KANSL3: variants seen among roughly 807,000 people sequenced by gnomAD.
KANSL3 encodes the protein NSL complex protein NSL3.
Under a neutral mutation model 89.2 loss-of-function variants are expected in KANSL3, and 16 were observed. The observed-to-expected ratio is 0.18, with a 90% CI of 0.12 to 0.27. The LOEUF (loss-of-function observed/expected upper bound fraction) is 0.27, where lower values mean the gene tolerates loss of function less well. Ranked by LOEUF, KANSL3 falls within the 10% of genes least tolerant of loss-of-function variation. The pLI is 1.00. For missense variants in KANSL3, 879 were observed against 1,110.6 expected (o/e 0.79, Z 2.96); for synonymous variants, 385 against 419.7 (o/e 0.92, Z 1.01).
rs181810182 is a variant in KANSL3 at position 96,597,298 on chromosome 2, G to A, written c.2617-1667C>T. The stretch of plus-strand genomic sequence containing the variant: ...TTGTTTCTAAGCATTAAAAAACGTC[G>A]GTTTCCAAAGCCTGAGGAGATTCTG... On this transcript the variant is annotated intron_variant, in intron 20 of 20. Coordinates refer to ENST00000431828, the MANE Select transcript of KANSL3 (RefSeq NM_001115016.3). 7.0e-4 allele frequency among the ~76,000 whole-genome samples: 107 copies of A among 152,232 alleles called. 1 individual carries two copies. Among genetic ancestry groups the A allele is most frequent in the Non-Finnish European group, 6.6e-4 (45 of 68,018 alleles).
chr2:96,637,523 T>C (rs914364602), intron 1 of KANSL3, among the ~76,000 whole-genome samples: 3 of 152,106 alleles, frequency 2.0e-5, no homozygotes, highest in African/African-American at 4.8e-5. Context: ...AGGAAGGGTT[T>C]TGACAAACAG....
intron 20 of KANSL3, chr2:96,600,885 A>G: frequency 1.0e-6 from 1 of 985,422 alleles, no homozygotes; most frequent in Non-Finnish European, 1.2e-6. Context: ...GCCAATGTCA[A>G]AGAAAGAGTA....
At chr2:96,591,004 A>G (rs181925661), downstream of KANSL3, among the ~76,000 whole-genome samples, 2 of 152,210 alleles carry the variant, frequency 1.3e-5, no homozygotes, top group Non-Finnish European at 2.9e-5. Flanking sequence ...AAACAAAACA[A>G]AACAAAACAA....
chr2:96,590,544 C>T (rs900352418), downstream of KANSL3, among the ~76,000 whole-genome samples: 6 of 152,004 alleles, frequency 3.9e-5, no homozygotes, highest in African/African-American at 1.4e-4. Context: ...CCATCTTGGC[C>T]TCCCAAAGTG....
intron 18 of KANSL3, 89 bp from the exon 19 acceptor site, chr2:96,602,427 T>G: frequency 1.1e-6 from 1 of 948,988 alleles, no homozygotes; most frequent in Non-Finnish European, 1.6e-6. Context: ...TATTAAAGGC[T>G]AACATGTATT....
the KANSL3 span, among the ~76,000 whole-genome samples, chr2:96,586,904 A>C: frequency 6.6e-6 from 1 of 152,192 alleles, no homozygotes; most frequent in Non-Finnish European, 1.5e-5. Flanking sequence ...TCCCATAATT[A>C]CCTTGTTTTA....
the KANSL3 span, among the ~76,000 whole-genome samples, chr2:96,585,598 C>T: frequency 1.3e-4 from 20 of 152,248 alleles, no homozygotes; most frequent in African/African-American, 4.8e-4. Context: ...TTTGATCCAG[C>T]AATCCCACTA....
At chr2:96,611,903 A>ATGTGTGTGTGTGTGTGTGTGTGTG (rs59217274) in intron 9 of KANSL3, among the ~76,000 whole-genome samples, 86 of 113,320 alleles carry the variant, frequency 7.6e-4, no homozygotes, top group African/African-American at 2.2e-3. Flanking sequence ...ATATACCCAT[A>ATGTGTGTGTGTGTGTGTGTGTGTG]TGTGTGTGTG....
intron 14 of KANSL3, chr2:96,606,957 G>T: frequency 7.8e-7 from 1 of 1,275,128 alleles, no homozygotes; most frequent in Non-Finnish European, 1.0e-6. Flanking sequence ...AGGCAAGAAA[G>T]AGTAATACTC....
chr2:96,617,777 C>T (rs1359373095), intron 5 of KANSL3, among the ~76,000 whole-genome samples: 1 of 151,804 alleles, frequency 6.6e-6, no homozygotes, highest in Non-Finnish European at 1.5e-5. Context: ...GCGGGCGGAT[C>T]ACGAGGTCAG....
intron 2 of KANSL3, among the ~76,000 whole-genome samples, chr2:96,632,302 A>C (rs570323339): frequency 1.3e-5 from 2 of 152,274 alleles, no homozygotes; most frequent in South Asian, 4.1e-4. Context: ...CCCCGTCTCT[A>C]AAACAAACAC....
chr2:96,588,036 T>C, the KANSL3 span, among the ~76,000 whole-genome samples: 1 of 151,912 alleles, frequency 6.6e-6, no homozygotes, highest in African/African-American at 2.4e-5. Flanking sequence ...TAAGATCTAA[T>C]AGTCATGCCA....
rs931725486 is a variant in KANSL3, at chr2:96,605,268, CTG to C, written c.1933+50_1933+51del. The C allele has an allele frequency of 1.7e-5, 26 of 1,491,526 alleles. No individual in the cohort carries two copies. In the African/African-American group the frequency reaches 3.5e-4, roughly 20 times the overall value. The allele number at this position is 1,491,526 out of a possible 1,614,324, so 92.4% of individuals were successfully genotyped here. On this transcript the variant is annotated intron_variant, in intron 15 of 20. Transcript: ENST00000431828. The stretch of plus-strand genomic sequence containing the variant: ...GGTGAATGGCCACCAAAGGGCAATG[CTG>C]TGTACCTGAGAGAGCTCAGTTCTCA...
chr2:96,611,903 A>ATG (rs59217274), intron 9 of KANSL3, among the ~76,000 whole-genome samples: 4,189 of 113,274 alleles, frequency 0.037, 106 homozygotes, highest in African/African-American at 0.054. Flanking sequence ...ATATACCCAT[A>ATG]TGTGTGTGTG....
chr2:96,586,138 T>C, the KANSL3 span, among the ~76,000 whole-genome samples: 3 of 149,778 alleles, frequency 2.0e-5, no homozygotes, highest in Non-Finnish European at 4.4e-5. Flanking sequence ...GGCATGAGAA[T>C]CACTTGAACC....
At chr2:96,632,647 C>G (rs2073596410) in intron 2 of KANSL3, among the ~76,000 whole-genome samples, 2 of 152,066 alleles carry the variant, frequency 1.3e-5, no homozygotes, top group East Asian at 3.8e-4. Flanking sequence ...GGGACAAGAA[C>G]AGTACAAATG....
chr2:96,622,236 C>T (rs2071435300), intron 3 of KANSL3, among the ~76,000 whole-genome samples: 1 of 151,902 alleles, frequency 6.6e-6, no homozygotes, highest in South Asian at 2.1e-4. Context: ...CCAGCTTGGG[C>T]AACAAAGTGA....
chr2:96,617,167 T>A (rs1479822506), intron 5 of KANSL3, among the ~76,000 whole-genome samples: 4 of 152,086 alleles, frequency 2.6e-5, no homozygotes, highest in Non-Finnish European at 5.9e-5. Flanking sequence ...GGGTCCAGGG[T>A]TTCTACTACA....
chr2:96,629,848 A>G (rs1054182271), intron 3 of KANSL3, among the ~76,000 whole-genome samples: 3 of 152,238 alleles, frequency 2.0e-5, no homozygotes, highest in Non-Finnish European at 2.9e-5. Flanking sequence ...AAAATTATGG[A>G]AAGTTACCAC....
Sources: allele counts gnomAD v4.1 joint callset (sites outside exome capture counted in the v4.1 genomes callset), GRCh38; gene constraint gnomAD v4.1.1; transcripts MANE v1.5; gene names NCBI Gene and HGNC (gene_info 2026-07-23, HGNC 2026-07-21).